Variants in MYO3A observed in about 807,000 individuals in gnomAD.
MYO3A encodes the protein myosin IIIA, also known as myosin-IIIa.
A neutral mutation model predicts 192.7 loss-of-function variants in MYO3A; 180 were observed. The ratio of observed to expected loss-of-function variants is 0.93; its 90% CI spans 0.83 to 1.06. The LOEUF (loss-of-function observed/expected upper bound fraction) is 1.06. Ranked by LOEUF, MYO3A falls within the 50% of genes least tolerant of loss-of-function variation. The pLI, the probability that MYO3A is intolerant of heterozygous loss-of-function variation, is 0.00. For synonymous variants in MYO3A, 628 were observed against 645.3 expected (o/e 0.97, Z 0.41); for missense variants, 1,896 against 1,905.0 (o/e 1.00, Z 0.09).
At chr10:26,035,711 T>G (rs146054262) in intron 10 of MYO3A, among the ~76,000 whole-genome samples, 248 of 152,318 alleles carry the variant, frequency 1.6e-3, no homozygotes, top group African/African-American at 5.8e-3. Flanking sequence ...AGTATAATGA[T>G]TTTTCAGACT....
chr10:26,089,696 C>T (rs572110832), intron 15 of MYO3A, among the ~76,000 whole-genome samples: 15 of 152,054 alleles, frequency 9.9e-5, no homozygotes, highest in African/African-American at 3.6e-4. Context: ...GATATTTAAA[C>T]CTTAAAGATT....
chr10:25,974,385 A>T (rs1838850971), intron 4 of MYO3A, among the ~76,000 whole-genome samples: 1 of 152,196 alleles, frequency 6.6e-6, no homozygotes, highest in Non-Finnish European at 1.5e-5. Context: ...TACCAGCCTC[A>T]GTGTAATTAT....
chr10:26,199,140 TC>T (rs755740856), intron 32 of MYO3A, among the ~76,000 whole-genome samples: 4 of 152,346 alleles, frequency 2.6e-5, no homozygotes, highest in East Asian at 1.9e-4. Flanking sequence ...TTCCTTTGCC[TC>T]CTTTGTTTCT....
At chr10:26,134,321 A>G (rs1475376800) in intron 20 of MYO3A, among the ~76,000 whole-genome samples, 3 of 152,184 alleles carry the variant, frequency 2.0e-5, no homozygotes, top group Admixed American at 6.5e-5. Context: ...AATGATGGCC[A>G]GCATTCTCTG....
At chr10:25,988,750 G>T (rs1371307064) in intron 4 of MYO3A, among the ~76,000 whole-genome samples, 2 of 151,750 alleles carry the variant, frequency 1.3e-5, no homozygotes, top group African/African-American at 4.8e-5. Context: ...TTAAAAAAAA[G>T]GAATTAAAAA....
chr10:25,993,737 A>C lies in MYO3A; in HGVS notation c.304-2753A>C, dbSNP rs1840218255. Among the ~76,000 whole-genome samples the C allele has an allele frequency of 1.3e-5, 2 of 152,166 alleles. 1 individual carries two copies. The highest frequency in any genetic ancestry group is 1.3e-4 in the Admixed American group (2 of 15,274). On this transcript the variant is annotated intron_variant, in intron 4 of 34. Transcript: ENST00000642920. ...GTCTTCATTCTCATTGCTTTCAAAG[A>C]ACTTCTTTATTTCTGCCTTCATTTC... is the stretch of plus-strand genomic sequence containing the variant.
At chr10:26,188,951 G>A (rs1842992362) in intron 31 of MYO3A, among the ~76,000 whole-genome samples, 1 of 152,182 alleles carries the variant, frequency 6.6e-6, no homozygotes, top group Non-Finnish European at 1.5e-5. Flanking sequence ...TTTTGGCTTA[G>A]GATTGACTTG....
chr10:26,209,687 C>G lies in MYO3A; in HGVS notation c.4731-2156C>G, dbSNP rs140207358. 3.8e-4 allele frequency among the ~76,000 whole-genome samples: 58 copies of G among 152,352 alleles called. No individual in the cohort carries two copies. In the East Asian group the frequency reaches 0.01, roughly 27 times the overall value. On this transcript the variant is annotated intron_variant, in intron 34 of 34. Coordinates refer to ENST00000642920, the MANE Select transcript of MYO3A (RefSeq NM_017433.5). The stretch of plus-strand genomic sequence containing the variant: ...TTTGCCTCTTACTTTACTGGCTGCT[C>G]TTTCTCATTCTCCCTGCTGACTTTT...
chr10:25,941,566 C>A (rs1216998501), intron 2 of MYO3A, among the ~76,000 whole-genome samples: 1 of 152,022 alleles, frequency 6.6e-6, no homozygotes, highest in Non-Finnish European at 1.5e-5. Context: ...TTATTTTGAC[C>A]CCCTGTATTA....
At chr10:26,207,469 AACAATCTAATTTCATTC>A (rs1370944762) in intron 34 of MYO3A, among the ~76,000 whole-genome samples, 1 of 152,354 alleles carries the variant, frequency 6.6e-6, no homozygotes, top group Middle Eastern at 3.4e-3. Context: ...TAAGTGAGAT[AACAATCTAATTTCATTC>A]TTCTGCATGT....
At position 26,144,213 on chromosome 10, in the gene MYO3A, G is replaced by GA. The variant is rs199524569; in HGVS notation, c.2416+621dup. 8.9e-5 allele frequency among the ~76,000 whole-genome samples: 13 copies of GA among 145,412 alleles called. No individual in the cohort carries two copies. In the East Asian group the frequency reaches 1.2e-3, roughly 13 times the overall value. On this transcript the variant is annotated intron_variant, in intron 21 of 34. Coordinates refer to ENST00000642920, the MANE Select transcript of MYO3A (RefSeq NM_017433.5). ...ATGTCTTACTCCTTAAATTAAAAAA[G>GA]AAAAAAAAACTAGATTTTTCAGATA...
intron 31 of MYO3A, among the ~76,000 whole-genome samples, chr10:26,182,132 T>G (rs915604178): frequency 1.3e-5 from 2 of 152,224 alleles, no homozygotes; most frequent in Non-Finnish European, 2.9e-5. Flanking sequence ...CTAGAAGAGT[T>G]GAGTGACTAG....
chr10:26,027,105 T>G (rs911554967), intron 10 of MYO3A, among the ~76,000 whole-genome samples: 1 of 152,176 alleles, frequency 6.6e-6, no homozygotes. Flanking sequence ...TATCTTAGAT[T>G]TGGGATTTAA....
intron 10 of MYO3A, among the ~76,000 whole-genome samples, chr10:26,040,165 C>T (rs1843265108): frequency 6.7e-6 from 1 of 149,488 alleles, no homozygotes. Flanking sequence ...TTGGTTAACC[C>T]TTTTCCTGTT....
chr10:26,007,712 A>G (rs1392027102), intron 6 of MYO3A, among the ~76,000 whole-genome samples: 1 of 150,902 alleles, frequency 6.6e-6, no homozygotes, highest in African/African-American at 2.5e-5. Flanking sequence ...ACTACAAACC[A>G]CTGCTCAAGG....
chr10:25,934,959 C>G (rs900911507), intron 1 of MYO3A, among the ~76,000 whole-genome samples: 4 of 151,984 alleles, frequency 2.6e-5, no homozygotes, highest in Non-Finnish European at 5.9e-5. Flanking sequence ...ACTGAGGGGG[C>G]CCTGCAGGGA....
chr10:26,111,639 G>A (rs1311337395), intron 17 of MYO3A, among the ~76,000 whole-genome samples: 1 of 152,156 alleles, frequency 6.6e-6, no homozygotes, highest in African/African-American at 2.4e-5. Flanking sequence ...TCAGTGTCCT[G>A]GCTCTTAAAG....
intron 17 of MYO3A, among the ~76,000 whole-genome samples, chr10:26,108,334 A>G (rs1837957111): frequency 6.6e-6 from 1 of 152,224 alleles, no homozygotes; most frequent in African/African-American, 2.4e-5. Flanking sequence ...TGTCTGCTTA[A>G]GAAGTTTACC....
intron 10 of MYO3A, among the ~76,000 whole-genome samples, chr10:26,049,673 CTTTTTTTTTTTTTT>C (rs66467075): frequency 1.4e-5 from 1 of 69,114 alleles, no homozygotes; most frequent in African/African-American, 5.2e-5. Context: ...TTCTTTCTTT[CTTTTTTTTTTTTTT>C]TTTTTTTTTG....
Sources: gnomAD v4.1 joint callset for allele counts (sites outside exome capture counted in the v4.1 genomes callset) on GRCh38, gnomAD v4.1.1 for gene constraint, MANE v1.5 for transcripts, NCBI Gene and HGNC (gene_info 2026-07-23, HGNC 2026-07-21) for gene names.